LPP: variants seen among roughly 807,000 people sequenced by gnomAD.
The protein encoded by LPP is lipoma-preferred partner.
LPP carries 38 observed loss-of-function variants against 60.4 expected under a neutral mutation model. The ratio of observed to expected loss-of-function variants is 0.63; its 90% CI spans 0.49 to 0.83. The LOEUF is 0.83. Among genes scored for constraint, LPP ranks in the 40% least tolerant of loss-of-function variants. The probability of loss-of-function intolerance (pLI) is 0.00; values close to 1 mark genes in which losing one functional copy is unlikely to be tolerated. For synonymous variants in LPP, 328 were observed against 290.8 expected, an observed-to-expected ratio of 1.13 and a Z score of -1.30; for missense variants, 902 against 783.6, an observed-to-expected ratio of 1.15 and a Z score of -1.80.
intron 1 of LPP, 55 bp from the exon 2 acceptor site, chr3:188,225,350 T>C (rs2149319093): frequency 6.6e-6 from 1 of 152,328 alleles, no homozygotes; most frequent in Non-Finnish European, 1.5e-5. Flanking sequence ...TGGGAATTTC[T>C]GAAGCTGGTT....
intron 2 of LPP, among the ~76,000 whole-genome samples, chr3:188,239,396 T>A (rs1723048101): frequency 6.6e-6 from 1 of 152,162 alleles, no homozygotes; most frequent in African/African-American, 2.4e-5. Flanking sequence ...AATAGAAACA[T>A]GAGTATTATG....
chr3:188,722,316 T>A (rs1454340083), intron 8 of LPP, among the ~76,000 whole-genome samples: 1 of 152,204 alleles, frequency 6.6e-6, no homozygotes, highest in Non-Finnish European at 1.5e-5. Flanking sequence ...GGCTCAGTAA[T>A]GGTGTTTACT....
intron 6 of LPP, among the ~76,000 whole-genome samples, chr3:188,577,548 T>C (rs1834906196): frequency 6.6e-6 from 1 of 151,246 alleles, no homozygotes; most frequent in South Asian, 2.1e-4. Flanking sequence ...GTAATTAATA[T>C]ATTTATAAAT....
chr3:188,878,739 C>T lies in LPP; in HGVS notation c.*4260C>T, dbSNP rs535085286. The T allele has an allele frequency of 1.1e-5, 2 of 177,756 alleles. No homozygotes were observed. Among genetic ancestry groups the T allele is most frequent in the Admixed American group, 7.1e-5 (1 of 14,118 alleles). The allele number at this position is 177,756 out of a possible 1,614,324, so 11.0% of individuals were successfully genotyped here. A position where few individuals can be genotyped will look rare whatever the true frequency, so the allele number is the denominator to read the frequency against. On this transcript the variant is annotated 3_prime_UTR_variant, in exon 12 of 12. Transcript: ENST00000617246. ...ATAACCACCAAATCTCAAAAATATA[C>T]TCACCAAAAAGTAAAAAAGTAAAAA...
At chr3:188,514,896 G>A (rs976857953) in intron 5 of LPP, among the ~76,000 whole-genome samples, 1 of 152,136 alleles carries the variant, frequency 6.6e-6, no homozygotes, top group Non-Finnish European at 1.5e-5. Context: ...GGAGTCGCAT[G>A]GTTGAAAACA....
chr3:188,779,774 A>T (rs1431005856), intron 9 of LPP, among the ~76,000 whole-genome samples: 1 of 152,056 alleles, frequency 6.6e-6, no homozygotes, highest in Non-Finnish European at 1.5e-5. Context: ...TTTCCTTACA[A>T]CATGTTTTCA....
At chr3:188,499,650 C>T (rs143407921) in intron 5 of LPP, among the ~76,000 whole-genome samples, 18 of 152,132 alleles carry the variant, frequency 1.2e-4, no homozygotes, top group Admixed American at 1.2e-3. Flanking sequence ...TAAAAAATGT[C>T]ACTGGGATTT....
At chr3:188,336,184 A>G (rs1363538929) in intron 2 of LPP, among the ~76,000 whole-genome samples, 1 of 152,100 alleles carries the variant, frequency 6.6e-6, no homozygotes, top group Non-Finnish European at 1.5e-5. Context: ...CACATGACCT[A>G]CAAGCAAGTG....
intron 8 of LPP, among the ~76,000 whole-genome samples, chr3:188,717,715 A>G (rs572365041): frequency 6.6e-6 from 1 of 152,296 alleles, no homozygotes; most frequent in Middle Eastern, 3.4e-3. Context: ...ATGTTTGTTC[A>G]GAGTAGTATA....
At chr3:188,154,403 C>G (rs1715491360) in intron 1 of LPP, among the ~76,000 whole-genome samples, 151 bp downstream of exon 1, 1 of 152,060 alleles carries the variant, frequency 6.6e-6, no homozygotes, top group Admixed American at 6.5e-5. Context: ...AAGTGCCGGC[C>G]GCGGCCCAAT....
At chr3:188,722,279 G>T (rs993645979) in intron 8 of LPP, among the ~76,000 whole-genome samples, 32 of 152,176 alleles carry the variant, frequency 2.1e-4, no homozygotes, top group African/African-American at 7.7e-4. Context: ...TTCAGTAATG[G>T]TGTTCAGTCA....
chr3:188,524,255 C>A (rs569401588), intron 5 of LPP, among the ~76,000 whole-genome samples: 5 of 152,194 alleles, frequency 3.3e-5, no homozygotes, highest in Admixed American at 1.3e-4. Flanking sequence ...TCTGGAATGT[C>A]CGTGTTCCTT....
chr3:188,376,194 G>A (rs1775021896), intron 3 of LPP, among the ~76,000 whole-genome samples: 1 of 152,042 alleles, frequency 6.6e-6, no homozygotes, highest in Non-Finnish European at 1.5e-5. Flanking sequence ...GATTTGGGGT[G>A]GAGAGTTCTG....
At position 188,840,078 on chromosome 3, in the gene LPP, G is replaced by A. The variant is rs563612854; in HGVS notation, c.1411-26122G>A. On this transcript the variant is annotated intron_variant, in intron 9 of 11. Coordinates refer to ENST00000617246, the MANE Select transcript of LPP (RefSeq NM_001375462.1). ...TCCTAGAATACTCAGAAGACACAACGGTGTATCACTAGAAGGAGATAGTTT... is the reference window on the plus strand; with the variant it reads ...TCCTAGAATACTCAGAAGACACAACAGTGTATCACTAGAAGGAGATAGTTT... Among the ~76,000 whole-genome samples, 10 of 152,176 alleles carry A rather than the reference G, an allele frequency of 6.6e-5. No individual in the cohort carries two copies. In the South Asian group the frequency reaches 2.1e-3, roughly 32 times the overall value.
intron 4 of LPP, among the ~76,000 whole-genome samples, chr3:188,476,757 A>G (rs1467278154): frequency 1.3e-5 from 2 of 152,236 alleles, no homozygotes; most frequent in African/African-American, 2.4e-5. Flanking sequence ...TTTCTAATGT[A>G]TAAAAGGAAC....
At chr3:188,240,459 A>G (rs1723916971) in intron 2 of LPP, among the ~76,000 whole-genome samples, 1 of 152,158 alleles carries the variant, frequency 6.6e-6, no homozygotes, top group South Asian at 2.1e-4. Flanking sequence ...GCAACTTCAT[A>G]GGCACAGAAT....
chr3:188,254,393 A>G (rs1372451259), intron 2 of LPP, among the ~76,000 whole-genome samples: 7 of 152,216 alleles, frequency 4.6e-5, no homozygotes, highest in East Asian at 1.9e-4. Context: ...GAACTCCCCA[A>G]CCCCTGTTAA....
intron 5 of LPP, among the ~76,000 whole-genome samples, chr3:188,507,948 C>A (rs1003926615): frequency 3.9e-5 from 6 of 152,102 alleles, no homozygotes; most frequent in Non-Finnish European, 8.8e-5. Context: ...GGAGATTTTT[C>A]CAATCTAAGG....
In LPP at chr3:188,609,793, C is replaced by G. The variant is rs1281033498; in HGVS notation, c.1062C>G (p.Thr354=). ...ATCCAGTCACTGGTCCCAAGAAGACCTATATCACAGATCCTGTTTCAGCCC... is the reference window on the plus strand; with the variant it reads ...ATCCAGTCACTGGTCCCAAGAAGACGTATATCACAGATCCTGTTTCAGCCC... ...GMYPVTGPKK[T]YITDPVSAPC... Residue 354 remains threonine (T), a synonymous_variant, in exon 7 of 12, where the codon ACC becomes ACG. Transcript: ENST00000617246. This position sits in a 1 kb window ranked among gnomAD's most constrained non-coding sequence, Gnocchi z 6.9. 3.1e-6 allele frequency: 5 copies of G among 1,613,716 alleles called. No individual in the cohort carries two copies. Among genetic ancestry groups the G allele is most frequent in the African/African-American group, 1.3e-5 (1 of 74,910 alleles).
Sources: allele counts gnomAD v4.1 joint callset (sites outside exome capture counted in the v4.1 genomes callset), GRCh38; gene constraint gnomAD v4.1.1; non-coding constraint Gnocchi (gnomAD v3.1); transcripts MANE v1.5; gene names NCBI Gene and HGNC (gene_info 2026-07-23, HGNC 2026-07-21).